The following RIN2 variants were observed in gnomAD, a reference collection of about 807,000 sequenced individuals.
RIN2 encodes RAB5 interacting protein 2.
RIN2 carries 36 observed loss-of-function variants against 78.0 expected under a neutral mutation model. That is an observed-to-expected ratio of 0.46 (90% CI 0.35 to 0.61). The LOEUF (loss-of-function observed/expected upper bound fraction) is 0.61, where lower values mean the gene tolerates loss of function less well. Among genes scored for constraint, RIN2 ranks in the 20% least tolerant of loss-of-function variants. RIN2 has a pLI of 0.00. For missense variants in RIN2, 1,087 were observed against 1,159.7 expected (o/e 0.94, Z 0.91); for synonymous variants, 466 against 466.8 (o/e 1.00, Z 0.02).
chr20:19,922,934 G>A (rs1315558011), intron 3 of RIN2, among the ~76,000 whole-genome samples: 1 of 152,200 alleles, frequency 6.6e-6, no homozygotes, highest in African/African-American at 2.4e-5. Flanking sequence ...ATGCTCGCCT[G>A]CTGGGGGCTC....
intron 8 of RIN2, among the ~76,000 whole-genome samples, chr20:19,973,682 G>A (rs573025699): frequency 5.3e-5 from 8 of 152,230 alleles, no homozygotes; most frequent in Admixed American, 2.6e-4. Context: ...CCAGCTACTC[G>A]GGAGGCTGAG....
At position 19,975,371 on chromosome 20, in the gene RIN2, C is replaced by G. The variant is rs2042246386; in HGVS notation, c.1346C>G (p.Pro449Arg). The change falls in exon 9 of 13, where the codon CCT becomes CGT. Residue 449 changes from proline to arginine, a missense_variant. Physicochemically the swap from Pro to Arg is moderately radical, Grantham distance 103. Around this residue, in one of 8 missense-constraint regions of RIN2, gnomAD observed 706 missense variants for 667.5 expected, o/e 1.06. Coordinates refer to ENST00000255006, the MANE Select transcript of RIN2 (RefSeq NM_018993.4). This position sits in a 1 kb window ranked among gnomAD's most constrained non-coding sequence, Gnocchi z 4.9. Reference protein sequence around the residue: ...SDSLEFDRSMPLFGYEADTNS... With the variant: ...SDSLEFDRSMRLFGYEADTNS... ...TCGCTGGAGTTCGACCGGAGCATGCCTCTGTTTGGCTACGAGGCGGACACC... is the reference window on the plus strand; with the variant it reads ...TCGCTGGAGTTCGACCGGAGCATGCGTCTGTTTGGCTACGAGGCGGACACC... The G allele has an allele frequency of 6.2e-7, 1 of 1,613,958 alleles. No homozygotes were observed.
intron 2 of RIN2, among the ~76,000 whole-genome samples, chr20:19,818,916 G>A (rs961502133): frequency 3.3e-5 from 5 of 152,206 alleles, no homozygotes; most frequent in African/African-American, 9.7e-5. Flanking sequence ...TGAAAGGGAT[G>A]AGGTGGATAT....
At chr20:19,772,141 T>C (rs975024433) in intron 1 of RIN2, among the ~76,000 whole-genome samples, 2 of 152,216 alleles carry the variant, frequency 1.3e-5, no homozygotes, top group Non-Finnish European at 2.9e-5. Flanking sequence ...GTCACCAGTT[T>C]CTCACCCTGT....
At chr20:19,874,237 G>C (rs1432408938) in intron 2 of RIN2, among the ~76,000 whole-genome samples, 1 of 152,178 alleles carries the variant, frequency 6.6e-6, no homozygotes, top group Non-Finnish European at 1.5e-5. Context: ...TATGACTTCA[G>C]TGTCAATGAC....
intron 3 of RIN2, 85 bp downstream of exon 3, chr20:19,889,743 G>T: frequency 9.1e-7 from 1 of 1,094,194 alleles, no homozygotes; most frequent in South Asian, 1.9e-5. Flanking sequence ...AGCTGCTGAG[G>T]GAAGTCTGCT....
At chr20:19,761,362 T>G (rs2122284282) in intron 1 of RIN2, among the ~76,000 whole-genome samples, 1 of 152,298 alleles carries the variant, frequency 6.6e-6, no homozygotes. Flanking sequence ...CACTAATGAG[T>G]TACAGTGATA....
intron 3 of RIN2, among the ~76,000 whole-genome samples, chr20:19,897,255 C>T (rs61287441): frequency 0.012 from 1,853 of 152,078 alleles, 30 homozygotes; most frequent in African/African-American, 0.043. Flanking sequence ...ACAGATGAAC[C>T]GCCACCATGC....
intron 1 of RIN2, among the ~76,000 whole-genome samples, chr20:19,777,872 C>T (rs1220844546): frequency 6.6e-6 from 1 of 152,128 alleles, no homozygotes; most frequent in Non-Finnish European, 1.5e-5. Context: ...TTAGGAGCCA[C>T]CAAAATGTAA....
chr20:19,856,765 C>T (rs2037183282), intron 2 of RIN2, among the ~76,000 whole-genome samples: 1 of 152,086 alleles, frequency 6.6e-6, no homozygotes, highest in African/African-American at 2.4e-5. Context: ...TTGTATTTCT[C>T]CACTGGAGCA....
intron 2 of RIN2, among the ~76,000 whole-genome samples, chr20:19,841,255 C>T (rs1413040796): frequency 6.6e-6 from 1 of 151,784 alleles, no homozygotes; most frequent in African/African-American, 2.4e-5. Flanking sequence ...AGTGAGGTGG[C>T]TACAGGCGTG....
At chr20:19,785,928 CAT>C (rs1267924865) in intron 1 of RIN2, among the ~76,000 whole-genome samples, 3 of 152,342 alleles carry the variant, frequency 2.0e-5, no homozygotes, top group South Asian at 2.1e-4. Flanking sequence ...CAAAGTAACA[CAT>C]GTGATAGTTT....
At chr20:19,842,919 G>T (rs949308120) in intron 2 of RIN2, among the ~76,000 whole-genome samples, 2 of 151,876 alleles carry the variant, frequency 1.3e-5, no homozygotes, top group African/African-American at 4.8e-5. Context: ...CACAGGAGGA[G>T]GTCAAAATAT....
intron 2 of RIN2, among the ~76,000 whole-genome samples, chr20:19,872,895 A>G (rs1252215571): frequency 1.3e-5 from 2 of 152,148 alleles, no homozygotes; most frequent in Non-Finnish European, 2.9e-5. Flanking sequence ...AAACTTCACC[A>G]CTACACAAAA....
intron 6 of RIN2, among the ~76,000 whole-genome samples, chr20:19,962,331 A>G (rs930079461): frequency 5.9e-5 from 9 of 151,678 alleles, no homozygotes; most frequent in African/African-American, 2.2e-4. Context: ...AAAAAAGTCC[A>G]CAAGGCAAGA....
intron 2 of RIN2, among the ~76,000 whole-genome samples, chr20:19,822,472 A>G (rs2035954957): frequency 6.6e-6 from 1 of 152,226 alleles, no homozygotes; most frequent in African/African-American, 2.4e-5. Context: ...AATAGATTCT[A>G]AACAGATATC....
intron 1 of RIN2, among the ~76,000 whole-genome samples, chr20:19,786,645 G>A (rs773735852): frequency 1.9e-4 from 29 of 152,086 alleles, no homozygotes; most frequent in Non-Finnish European, 2.8e-4. Context: ...TGAGTCTTGC[G>A]GTGACTAGTT....
Position 20,000,287 on chromosome 20 carries a change from GAATAAACCCAGCA to G in RIN2, c.2365-325_2365-313del, listed in dbSNP as rs760357619. On this transcript the variant is annotated intron_variant, in intron 12 of 12. Coordinates refer to ENST00000255006, the MANE Select transcript of RIN2 (RefSeq NM_018993.4). ...CTATTTGGTTTAGTTTTCAAGCTGGGAATAAACCCAGCATTGGATGTGGTTCACACTCTTAAGC... is the reference window on the plus strand; with the variant it reads ...CTATTTGGTTTAGTTTTCAAGCTGGGTTGGATGTGGTTCACACTCTTAAGC... Among the ~76,000 whole-genome samples the G allele has an allele frequency of 3.9e-5, 6 of 152,288 alleles. No individual in the cohort carries two copies. The East Asian group carries it at 1.2e-3, about 29-fold the overall frequency.
chr20:19,785,135 TCTCA>T (rs2034632394), intron 1 of RIN2, among the ~76,000 whole-genome samples: 1 of 151,844 alleles, frequency 6.6e-6, no homozygotes, highest in Non-Finnish European at 1.5e-5. Flanking sequence ...CTACATCAAC[TCTCA>T]CTCACGATCC....
Sources: gnomAD v4.1 joint callset for allele counts (sites outside exome capture counted in the v4.1 genomes callset) on GRCh38, gnomAD v4.1.1 for gene constraint, gnomAD v4.1.1 regional missense constraint, Gnocchi (gnomAD v3.1) non-coding constraint, MANE v1.5 for transcripts, NCBI Gene and HGNC (gene_info 2026-07-23, HGNC 2026-07-21) for gene names.